Variants in MSRA observed in about 807,000 individuals in gnomAD.
MSRA encodes mitochondrial peptide methionine sulfoxide reductase.
Under a neutral mutation model 31.3 loss-of-function variants are expected in MSRA, and 54 were observed. That is an observed-to-expected ratio of 1.73 (90% CI 1.39 to 2.17). The LOEUF (loss-of-function observed/expected upper bound fraction) is 2.17. Among genes scored for constraint, MSRA ranks in the 30% most tolerant of loss-of-function variants. The pLI is 0.00. For synonymous variants in MSRA, 169 were observed against 116.5 expected, an observed-to-expected ratio of 1.45 and a Z score of -2.90; for missense variants, 507 against 300.9, an observed-to-expected ratio of 1.69 and a Z score of -5.07.
intron 1 of MSRA, among the ~76,000 whole-genome samples, chr8:10,129,757 T>C (rs1801765232): frequency 6.6e-6 from 1 of 152,146 alleles, no homozygotes; most frequent in African/African-American, 2.4e-5. Flanking sequence ...AATAAAGACA[T>C]TCTGTGTTTG....
At chr8:10,224,380 C>T (rs1810804519) in intron 2 of MSRA, among the ~76,000 whole-genome samples, 1 of 152,198 alleles carries the variant, frequency 6.6e-6, no homozygotes, top group Non-Finnish European at 1.5e-5. Flanking sequence ...ATTGAAGTCT[C>T]TCGCTACAGC....
chr8:10,322,885 T>A (rs1326841229), intron 5 of MSRA, among the ~76,000 whole-genome samples: 5 of 151,640 alleles, frequency 3.3e-5, no homozygotes, highest in Non-Finnish European at 7.4e-5. Context: ...AGGTCAGGAC[T>A]TCGAGACCAG....
intron 5 of MSRA, among the ~76,000 whole-genome samples, chr8:10,371,697 T>A (rs564242995): frequency 1.3e-5 from 2 of 152,182 alleles, no homozygotes; most frequent in East Asian, 3.9e-4. Flanking sequence ...CCTCAGTACC[T>A]CTGTGCCTGC....
In MSRA at chr8:10,273,434, A is replaced by G. The variant is rs76640901; in HGVS notation, c.332-28100A>G. Among the ~76,000 whole-genome samples the G allele has an allele frequency of 9.4e-3, 1,436 of 152,278 alleles. 11 individuals carry two copies. Among genetic ancestry groups the G allele is most frequent in the Middle Eastern group, 0.017 (5 of 294 alleles). ...AAGTTATCTGATTTTGCTGTGCTGT[A>G]ATTTCATCTTTTGTAAAATGGGGAA... On this transcript the variant is annotated intron_variant, in intron 3 of 5. Transcript: ENST00000317173.
intron 5 of MSRA, among the ~76,000 whole-genome samples, chr8:10,421,646 G>T (rs1325778059): frequency 6.6e-6 from 1 of 152,144 alleles, no homozygotes; most frequent in Admixed American, 6.5e-5. Flanking sequence ...GCTCTTTACT[G>T]GCCGCCCTAG....
chr8:10,274,953 C>T (rs557856379), intron 3 of MSRA, among the ~76,000 whole-genome samples: 2 of 152,304 alleles, frequency 1.3e-5, no homozygotes, highest in African/African-American at 4.8e-5. Flanking sequence ...AAAGTTATTT[C>T]ACTCAATTAA....
At chr8:10,353,510 T>C (rs932399631) in intron 5 of MSRA, 2 of 430,944 alleles carry the variant, frequency 4.6e-6, no homozygotes, top group Admixed American at 5.0e-5. Flanking sequence ...TGTATCTGTG[T>C]TAGCAGTTGG....
At chr8:10,358,228 G>A (rs1428933010) in intron 5 of MSRA, among the ~76,000 whole-genome samples, 1 of 152,018 alleles carries the variant, frequency 6.6e-6, no homozygotes, top group African/African-American at 2.4e-5. Flanking sequence ...CATGCCTGGC[G>A]ATGTGAGCCA....
At chr8:10,168,754 C>T (rs60664517) in intron 1 of MSRA, among the ~76,000 whole-genome samples, 2 of 152,314 alleles carry the variant, frequency 1.3e-5, no homozygotes, top group South Asian at 4.1e-4. Flanking sequence ...AGCCCAGCCT[C>T]CCATCCTTGC....
At position 10,415,583 on chromosome 8, in the gene MSRA, C is replaced by T. The variant is rs1035660126; in HGVS notation, c.544-12565C>T. The stretch of plus-strand genomic sequence containing the variant: ...AGCTTGATGCCTCCAGCAGCCTCTC[C>T]ATCCACCTCTGCTTCCATCTTTTCC... On this transcript the variant is annotated intron_variant, in intron 5 of 5. Coordinates refer to ENST00000317173, the MANE Select transcript of MSRA (RefSeq NM_012331.5). Among the ~76,000 whole-genome samples the T allele has an allele frequency of 7.2e-5, 11 of 152,272 alleles. No individual in the cohort carries two copies. In the East Asian group the frequency reaches 2.1e-3, roughly 30 times the overall value.
intron 1 of MSRA, among the ~76,000 whole-genome samples, chr8:10,154,053 T>C (rs532296979): frequency 4.9e-4 from 75 of 152,320 alleles, no homozygotes; most frequent in African/African-American, 1.6e-3. Context: ...TGTACCATCA[T>C]AGATAGCAGT....
chr8:10,387,037 C>T (rs745336211), intron 5 of MSRA, among the ~76,000 whole-genome samples: 1 of 152,114 alleles, frequency 6.6e-6, no homozygotes, highest in East Asian at 1.9e-4. Context: ...CTCAGCAGGT[C>T]CAGGGTGGGG....
chr8:10,264,835 T>C (rs1798664226), intron 3 of MSRA, among the ~76,000 whole-genome samples: 1 of 152,138 alleles, frequency 6.6e-6, no homozygotes, highest in Non-Finnish European at 1.5e-5. Flanking sequence ...GTTAAACAGT[T>C]AGATAGTCCC....
intron 4 of MSRA, among the ~76,000 whole-genome samples, chr8:10,315,947 T>C (rs1801687974): frequency 6.6e-6 from 1 of 152,232 alleles, no homozygotes; most frequent in African/African-American, 2.4e-5. Context: ...TGACCTTTCA[T>C]GAAGAAATCA....
intron 5 of MSRA, among the ~76,000 whole-genome samples, chr8:10,332,923 G>T (rs893050913): frequency 2.0e-5 from 3 of 152,252 alleles, no homozygotes; most frequent in Non-Finnish European, 2.9e-5. Flanking sequence ...CTTTGCTGCA[G>T]TGGCAGGATA....
At chr8:10,257,804 C>G (rs1289080351) in intron 3 of MSRA, among the ~76,000 whole-genome samples, 1 of 152,146 alleles carries the variant, frequency 6.6e-6, no homozygotes, top group African/African-American at 2.4e-5. Context: ...TTCAAGAATT[C>G]ACTCTCTTAC....
At chr8:10,410,202 A>G (rs959523843) in intron 5 of MSRA, among the ~76,000 whole-genome samples, 2 of 152,164 alleles carry the variant, frequency 1.3e-5, no homozygotes, top group Non-Finnish European at 2.9e-5. Context: ...TGGAGTATGC[A>G]TGTGTGGCGG....
intron 1 of MSRA, among the ~76,000 whole-genome samples, chr8:10,122,532 G>T (rs1031921891): frequency 1.4e-5 from 2 of 147,548 alleles, no homozygotes; most frequent in East Asian, 4.0e-4. Context: ...ATTTTTTTGT[G>T]TTTTTTTTTT....
chr8:10,291,577 G>A (rs1001021827), intron 3 of MSRA, among the ~76,000 whole-genome samples: 1 of 151,894 alleles, frequency 6.6e-6, no homozygotes, highest in African/African-American at 2.4e-5. Flanking sequence ...AGATGAAACC[G>A]AGCTGACATC....
Sources: gnomAD v4.1 joint callset for allele counts (sites outside exome capture counted in the v4.1 genomes callset) on GRCh38, gnomAD v4.1.1 for gene constraint, MANE v1.5 for transcripts, NCBI Gene and HGNC (gene_info 2026-07-23, HGNC 2026-07-21) for gene names.